The following PEAK1 variants were observed in gnomAD, a reference collection of about 807,000 sequenced individuals.
The protein encoded by PEAK1 is pseudopodium enriched atypical kinase 1.
Under a neutral mutation model 124.7 loss-of-function variants are expected in PEAK1, and 54 were observed. The observed-to-expected ratio is 0.43, with a 90% CI of 0.35 to 0.54. The LOEUF (loss-of-function observed/expected upper bound fraction) is 0.54, where lower values mean the gene tolerates loss of function less well. Ranked by LOEUF, PEAK1 falls within the 20% of genes least tolerant of loss-of-function variation. The pLI, the probability that PEAK1 is intolerant of heterozygous loss-of-function variation, is 0.01. For missense variants in PEAK1, 2,046 were observed against 2,134.5 expected (o/e 0.96, Z 0.82); for synonymous variants, 719 against 760.0 (o/e 0.95, Z 0.89).
At chr15:77,210,705 C>T (rs1304648161) in intron 6 of PEAK1, among the ~76,000 whole-genome samples, 2 of 152,102 alleles carry the variant, frequency 1.3e-5, no homozygotes, top group African/African-American at 4.8e-5. Context: ...CATGGTGAAA[C>T]CCCATCTCTA....
intron 1 of PEAK1, among the ~76,000 whole-genome samples, chr15:77,393,376 C>T (rs975761520): frequency 3.9e-5 from 6 of 152,186 alleles, no homozygotes; most frequent in African/African-American, 7.2e-5. Context: ...TGGGGAGAGG[C>T]TCCTTCCCTC....
intron 2 of PEAK1, among the ~76,000 whole-genome samples, chr15:77,329,902 C>G (rs1224538844): frequency 1.3e-5 from 2 of 152,082 alleles, no homozygotes; most frequent in African/African-American, 4.8e-5. Context: ...AGTGTAATTT[C>G]CTTCCTTGAT....
Position 77,371,521 on chromosome 15 carries a change from A to G in PEAK1, c.-665-6296T>C, listed in dbSNP as rs1007354907. 235 of 787,458 alleles carry G rather than the reference A, an allele frequency of 3.0e-4. 1 individual carries two copies. The highest frequency in any genetic ancestry group is 3.5e-4 in the Non-Finnish European group (225 of 649,774). The allele number at this position is 787,458 out of a possible 1,614,324, so 48.8% of individuals were successfully genotyped here. Reference sequence around the variant, plus strand: ...ACACTACACACATACCACCACCACCACCACCACCACCACCACCATCATCAT... The same window carrying G: ...ACACTACACACATACCACCACCACCGCCACCACCACCACCACCATCATCAT... On this transcript the variant is annotated intron_variant, in intron 1 of 9. Coordinates refer to ENST00000682557, the MANE Select transcript of PEAK1 (RefSeq NM_001385026.1).
chr15:77,228,360 T>C (rs1431130320), intron 6 of PEAK1, among the ~76,000 whole-genome samples: 3 of 152,190 alleles, frequency 2.0e-5, no homozygotes, highest in African/African-American at 7.2e-5. Context: ...TGGGTCCCTA[T>C]GGGTCATCAA....
intron 6 of PEAK1, among the ~76,000 whole-genome samples, chr15:77,182,620 C>T (rs574689388): frequency 1.3e-5 from 2 of 151,888 alleles, no homozygotes; most frequent in South Asian, 2.1e-4. Flanking sequence ...GGTGTGGTAG[C>T]ACACACCTAT....
chr15:77,349,756 T>C (rs931196469), intron 2 of PEAK1: 6 of 985,204 alleles, frequency 6.1e-6, no homozygotes, highest in Admixed American at 1.2e-4. Flanking sequence ...TAAGTTGAGA[T>C]GATTCACTTT....
intron 9 of PEAK1, among the ~76,000 whole-genome samples, chr15:77,127,220 C>A (rs912282991): frequency 8.5e-5 from 13 of 152,190 alleles, no homozygotes; most frequent in African/African-American, 3.1e-4. Flanking sequence ...GAAGAGAGCC[C>A]TCACTAGAAG....
chr15:77,213,958 T>A (rs796702705), intron 6 of PEAK1, among the ~76,000 whole-genome samples: 38 of 152,286 alleles, frequency 2.5e-4, no homozygotes, highest in African/African-American at 8.7e-4. Flanking sequence ...CTGGCCTCAA[T>A]AACCACTTTA....
rs1315821604 is a variant in PEAK1, at chr15:77,108,820, C to T, written c.*5336G>A. The stretch of plus-strand genomic sequence containing the variant: ...AAAAACAAAACCAAACCAAACCAAA[C>T]CATGGGGGTGAATGGGACACGTCAA... On this transcript the variant is annotated 3_prime_UTR_variant, in exon 10 of 10. Coordinates refer to ENST00000682557, the MANE Select transcript of PEAK1 (RefSeq NM_001385026.1). 6.6e-6 allele frequency: 1 copy of T among 152,120 alleles called. No homozygotes were observed. Among genetic ancestry groups the T allele is most frequent in the Admixed American group, 6.5e-5 (1 of 15,280 alleles). The allele number at this position is 152,120 out of a possible 1,614,324, so 9.4% of individuals were successfully genotyped here.
In PEAK1 at chr15:77,112,590, A is replaced by T. The variant is rs1007674928; in HGVS notation, c.*1566T>A. On this transcript the variant is annotated 3_prime_UTR_variant, in exon 10 of 10. Coordinates refer to ENST00000682557, the MANE Select transcript of PEAK1 (RefSeq NM_001385026.1). ...ACACATTGTTCGAGTGACTCTTGGG[A>T]TTTCAAGGTCAAAGTAAACACATAC... The T allele has an allele frequency of 6.6e-6, 1 of 152,086 alleles. No homozygotes were observed. The highest frequency in any genetic ancestry group is 2.4e-5 in the African/African-American group (1 of 41,382). The allele number at this position is 152,086 out of a possible 1,614,324, so 9.4% of individuals were successfully genotyped here.
chr15:77,361,413 G>A (rs1239660521), intron 2 of PEAK1, among the ~76,000 whole-genome samples: 1 of 152,000 alleles, frequency 6.6e-6, no homozygotes, highest in Non-Finnish European at 1.5e-5. Context: ...GCACTACAGC[G>A]TAGGTACAGA....
In PEAK1 at chr15:77,181,528, A is replaced by G. The variant is rs2057273294; in HGVS notation, c.399T>C (p.Tyr133=). The change falls in exon 7 of 10, where the codon TAT becomes TAC. Residue 133 remains tyrosine, a synonymous_variant. Coordinates refer to ENST00000682557, the MANE Select transcript of PEAK1 (RefSeq NM_001385026.1). ...DEGISHVPKP[Y]GNNDSAKKMS... is the part of the protein sequence containing the mutation. ...TCTTCTTTGCACTATCATTATTGCC[A>G]TAAGGCTTAGGAACATGGCTAATTC... 5 of 1,614,128 alleles carry G rather than the reference A, an allele frequency of 3.1e-6. No individual in the cohort carries two copies. In the East Asian group the frequency reaches 8.9e-5, roughly 29 times the overall value.
rs544769202 is a variant in PEAK1 at position 77,286,422 on chromosome 15, C to T, written c.-521+1G>A. ...ACATTATGGAAAGAAAAAGTACAAA[C>T]CTGGTTTAATTGGCTCCAACTCTGG... On this transcript the variant is annotated splice_donor_variant, in intron 3 of 9. Coordinates refer to ENST00000682557, the MANE Select transcript of PEAK1 (RefSeq NM_001385026.1). LOFTEE classifies it low-confidence loss of function (5UTR_SPLICE). 1 of 1,212,804 alleles carries T rather than the reference C, an allele frequency of 8.2e-7. No individual in the cohort carries two copies. 75.1% of individuals were successfully genotyped at this position (1,212,804 alleles called of 1,614,324 possible).
chr15:77,218,372 T>C (rs1001317223), intron 6 of PEAK1, among the ~76,000 whole-genome samples: 1 of 152,184 alleles, frequency 6.6e-6, no homozygotes, highest in Non-Finnish European at 1.5e-5. Context: ...TTTTCTCGCA[T>C]TTATTGAAAT....
chr15:77,363,685 C>A (rs2068044278), intron 2 of PEAK1, among the ~76,000 whole-genome samples: 1 of 152,156 alleles, frequency 6.6e-6, no homozygotes, highest in Non-Finnish European at 1.5e-5. Flanking sequence ...AGCTAAGCTC[C>A]TGACACTATG....
At chr15:77,135,433 T>C (rs1055862648) in intron 8 of PEAK1, among the ~76,000 whole-genome samples, 3 of 152,204 alleles carry the variant, frequency 2.0e-5, no homozygotes, top group African/African-American at 7.2e-5. Flanking sequence ...AGAGTGTACT[T>C]ACACGAACCT....
At chr15:77,154,375 G>A (rs2054933280) in intron 8 of PEAK1, among the ~76,000 whole-genome samples, 1 of 152,028 alleles carries the variant, frequency 6.6e-6, no homozygotes. Flanking sequence ...GAGCCTATGT[G>A]TGTCTCTGCA....
At chr15:77,209,369 G>C (rs1343475009) in intron 6 of PEAK1, among the ~76,000 whole-genome samples, 5 of 151,948 alleles carry the variant, frequency 3.3e-5, no homozygotes. Context: ...TTCAGGAAAA[G>C]ATGTCTTTTA....
At chr15:77,206,289 A>C (rs1039833854) in intron 6 of PEAK1, among the ~76,000 whole-genome samples, 9 of 146,896 alleles carry the variant, frequency 6.1e-5, no homozygotes, top group African/African-American at 1.5e-4. Context: ...ATAAACATAC[A>C]TGTGCATGTG....
Sources: gnomAD v4.1 joint callset for allele counts (sites outside exome capture counted in the v4.1 genomes callset) on GRCh38, gnomAD v4.1.1 for gene constraint, MANE v1.5 for transcripts, NCBI Gene and HGNC (gene_info 2026-07-23, HGNC 2026-07-21) for gene names.